The following CDH9 variants were observed in gnomAD, a reference collection of about 807,000 sequenced individuals.
The protein encoded by CDH9 is cadherin 9.
A neutral mutation model predicts 70.9 loss-of-function variants in CDH9; 28 were observed. The observed-to-expected ratio is 0.40, with a 90% CI of 0.29 to 0.54. The LOEUF (loss-of-function observed/expected upper bound fraction) is 0.54. Ranked by LOEUF, CDH9 falls within the 20% of genes least tolerant of loss-of-function variation. The pLI is 0.59. For missense variants in CDH9, 874 were observed against 984.4 expected (o/e 0.89, Z 1.50); for synonymous variants, 409 against 343.1 (o/e 1.19, Z -2.12).
chr5:26,904,756 A>C (rs1325010996), intron 5 of CDH9, among the ~76,000 whole-genome samples: 5 of 152,134 alleles, frequency 3.3e-5, no homozygotes, highest in Non-Finnish European at 5.9e-5. Context: ...AATTCGCTAA[A>C]CTTTGATGTC....
Position 26,965,799 on chromosome 5 carries a change from A to G in CDH9, c.228+22307T>C, listed in dbSNP as rs572981895. 3.3e-5 allele frequency among the ~76,000 whole-genome samples: 5 copies of G among 152,084 alleles called. No homozygotes were observed. In the East Asian group the frequency reaches 9.7e-4, roughly 29 times the overall value. ...TACTTTGGTCCGTTTTTGCCCCAAG[A>G]TGTATATAGTACAGATTCACAAGCA... On this transcript the variant is annotated intron_variant, in intron 2 of 11. Coordinates refer to ENST00000231021, the MANE Select transcript of CDH9 (RefSeq NM_016279.4).
chr5:26,980,768 GA>G (rs1217397885), intron 2 of CDH9, among the ~76,000 whole-genome samples: 7 of 151,838 alleles, frequency 4.6e-5, no homozygotes, highest in African/African-American at 1.7e-4. Flanking sequence ...TGAGTCAGAA[GA>G]AAAAATGTCT....
chr5:26,901,447 C>A (rs1291954557), intron 7 of CDH9, among the ~76,000 whole-genome samples: 2 of 151,520 alleles, frequency 1.3e-5, no homozygotes, highest in African/African-American at 4.8e-5. Context: ...ATATTTAGTG[C>A]AACAAATTGC....
intron 2 of CDH9, among the ~76,000 whole-genome samples, chr5:26,973,542 T>C (rs1282610187): frequency 6.6e-6 from 1 of 152,128 alleles, no homozygotes; most frequent in Non-Finnish European, 1.5e-5. Context: ...TTTAAATTTA[T>C]TGCAAACATG....
At chr5:26,896,900 TAAGA>T (rs967359436) in intron 7 of CDH9, among the ~76,000 whole-genome samples, 1 of 151,318 alleles carries the variant, frequency 6.6e-6, no homozygotes, top group Non-Finnish European at 1.5e-5. Flanking sequence ...TTGAAAAGAT[TAAGA>T]AATAGGTGGA....
rs574117547 is a variant in CDH9 at position 26,922,384 on chromosome 5, C to A, written c.229-6460G>T. Among the ~76,000 whole-genome samples the A allele has an allele frequency of 8.5e-5, 13 of 152,082 alleles. No individual in the cohort carries two copies. In the South Asian group the frequency reaches 2.7e-3, roughly 32 times the overall value. On this transcript the variant is annotated intron_variant, in intron 2 of 11. Coordinates refer to ENST00000231021, the MANE Select transcript of CDH9 (RefSeq NM_016279.4). ...TACAAAGGGGCTTAAATGCACCTGG[C>A]AACAGATATCTCAGTGGAAAACTTA...
intron 2 of CDH9, among the ~76,000 whole-genome samples, chr5:26,976,258 G>C (rs1027879321): frequency 6.6e-6 from 1 of 152,248 alleles, no homozygotes; most frequent in Non-Finnish European, 1.5e-5. Context: ...TATATGAACA[G>C]AAATAGTGAT....
chr5:27,003,220 T>G (rs935776860), intron 1 of CDH9, among the ~76,000 whole-genome samples: 8 of 152,138 alleles, frequency 5.3e-5, no homozygotes. Flanking sequence ...TTTCAGAGTT[T>G]TGAATTTTGG....
chr5:26,976,629 G>A (rs1742306774), intron 2 of CDH9, among the ~76,000 whole-genome samples: 1 of 152,050 alleles, frequency 6.6e-6, no homozygotes, highest in African/African-American at 2.4e-5. Flanking sequence ...GTGTAAAGAT[G>A]AGGTTTTGCC....
Position 26,883,080 on chromosome 5 carries a change from TATATATATATATATAA to T in CDH9, c.1883-1473_1883-1458del, listed in dbSNP as rs1561181214. Among the ~76,000 whole-genome samples the T allele has an allele frequency of 3.7e-4, 47 of 127,556 alleles. 1 individual carries two copies. The highest frequency in any genetic ancestry group is 1.2e-3 in the African/African-American group (42 of 34,308). 83.7% of individuals were successfully genotyped at this position (127,556 alleles called of 152,430 possible). Reference sequence around the variant, plus strand: ...ATATATATATATATATATATATATATATATATATATATATAAAACTGCAGTAAAAATGAGACCTCTG... The same window carrying T: ...ATATATATATATATATATATATATATAACTGCAGTAAAAATGAGACCTCTG... On this transcript the variant is annotated intron_variant, in intron 11 of 11. Transcript: ENST00000231021.
chr5:26,972,123 T>C (rs1175232), intron 2 of CDH9, among the ~76,000 whole-genome samples: 68,854 of 151,966 alleles, frequency 0.45, 17,117 homozygotes, highest in East Asian at 0.84. Context: ...GATAACATTG[T>C]GACATGTAAT....
At chr5:26,972,914 A>C (rs1443467550) in intron 2 of CDH9, among the ~76,000 whole-genome samples, 1 of 151,240 alleles carries the variant, frequency 6.6e-6, no homozygotes, top group Non-Finnish European at 1.5e-5. Context: ...CCCAGGCTAG[A>C]GTGCAGTGGC....
Position 26,902,629 on chromosome 5 carries a change from G to A in CDH9, c.1100C>T (p.Thr367Ile). The change falls in exon 7 of 12, where the codon ACA (threonine) becomes ATA (isoleucine). Residue 367 changes from threonine (T) to isoleucine (I), a missense_variant. Thr to Ile is a moderately conservative substitution (Grantham distance 89). Transcript: ENST00000231021. ...TTCCACAGATATTTTGACCACAGCTGTATCTTTGAAAGGTCCCAGGTGTAA... is the reference window on the plus strand; with the variant it reads ...TTCCACAGATATTTTGACCACAGCTATATCTTTGAAAGGTCCCAGGTGTAA... ...RFLHLGPFKD[T>I]AVVKISVEDI... 2.5e-6 allele frequency: 4 copies of A among 1,601,808 alleles called. No individual in the cohort carries two copies. Among genetic ancestry groups the A allele is most frequent in the Non-Finnish European group, 2.6e-6 (3 of 1,169,142 alleles).
At chr5:26,930,530 AC>A (rs1181223012) in intron 2 of CDH9, among the ~76,000 whole-genome samples, 1 of 152,104 alleles carries the variant, frequency 6.6e-6, no homozygotes, top group Non-Finnish European at 1.5e-5. Flanking sequence ...ATATAAGTGG[AC>A]CTGCACAATT....
Position 27,010,664 on chromosome 5 carries a change from A to T in CDH9, c.-49-22282T>A, listed in dbSNP as rs536739708. Among the ~76,000 whole-genome samples the T allele has an allele frequency of 7.9e-5, 12 of 152,226 alleles. No individual in the cohort carries two copies. In the South Asian group the frequency reaches 2.5e-3, roughly 32 times the overall value. ...TTACCAAATGTTACACCTTCGAGAA[A>T]AATTCATCTTCATCTTTTTAGACTC... On this transcript the variant is annotated intron_variant, in intron 1 of 11. Coordinates refer to ENST00000231021, the MANE Select transcript of CDH9 (RefSeq NM_016279.4).
intron 2 of CDH9, among the ~76,000 whole-genome samples, chr5:26,921,428 A>G (rs563681011): frequency 2.0e-5 from 3 of 152,140 alleles, no homozygotes; most frequent in Non-Finnish European, 4.4e-5. Context: ...TAGAATTTGT[A>G]TCCAACACTG....
intron 1 of CDH9, among the ~76,000 whole-genome samples, chr5:27,016,979 A>C (rs1743056807): frequency 6.6e-6 from 1 of 151,876 alleles, no homozygotes. Flanking sequence ...GCTTTTCTCC[A>C]ATATCACAAG....
intron 2 of CDH9, among the ~76,000 whole-genome samples, chr5:26,987,456 G>C (rs964721211): frequency 5.9e-5 from 9 of 151,828 alleles, no homozygotes; most frequent in African/African-American, 2.2e-4. Context: ...GAGATAATGA[G>C]CTAAAGAAAA....
chr5:26,894,562 T>G (rs541954252), intron 7 of CDH9, among the ~76,000 whole-genome samples: 1 of 152,216 alleles, frequency 6.6e-6, no homozygotes, highest in East Asian at 1.9e-4. Context: ...TTGTTTCCAG[T>G]GCAAGTGATG....
Sources: gnomAD v4.1 joint callset for allele counts (sites outside exome capture counted in the v4.1 genomes callset) on GRCh38, gnomAD v4.1.1 for gene constraint, MANE v1.5 for transcripts, NCBI Gene and HGNC (gene_info 2026-07-23, HGNC 2026-07-21) for gene names.